The following THBS4 variants were observed in gnomAD, a reference collection of about 807,000 sequenced individuals.
THBS4 encodes thrombospondin-4.
A neutral mutation model predicts 115.7 loss-of-function variants in THBS4; 90 were observed. The ratio of observed to expected loss-of-function variants is 0.78; its 90% CI spans 0.66 to 0.93. The LOEUF is 0.93. Among genes scored for constraint, THBS4 ranks in the 40% least tolerant of loss-of-function variants. The pLI is 0.00. For synonymous variants in THBS4, 460 were observed against 479.3 expected, an observed-to-expected ratio of 0.96 and a Z score of 0.53; for missense variants, 1,087 against 1,232.7, an observed-to-expected ratio of 0.88 and a Z score of 1.77.
intron 9 of THBS4, chr5:80,066,488 C>T (rs1250260756): frequency 6.6e-6 from 1 of 152,144 alleles, no homozygotes; most frequent in Non-Finnish European, 1.5e-5. Context: ...GCCTATAGTC[C>T]CAGCTCCTCA....
At position 80,059,449 on chromosome 5, in the gene THBS4, ACAT is replaced by A. The variant is rs749957478; in HGVS notation, c.746_748del (p.Ser249del). The A allele has an allele frequency of 2.5e-6, 4 of 1,613,968 alleles. No homozygotes were observed. Among genetic ancestry groups the A allele is most frequent in the Non-Finnish European group, 3.4e-6 (4 of 1,180,028 alleles). On this transcript the variant is annotated inframe_deletion, in exon 6 of 22. Transcript: ENST00000350881. ...CTTCTCATTTTTAAAGGTTAAGGAA[ACAT>A]CATTTTTGCGAAACACCATAGCTGA...
chr5:79,992,555 C>T (rs936543682), intron 1 of THBS4, among the ~76,000 whole-genome samples: 1 of 152,184 alleles, frequency 6.6e-6, no homozygotes, highest in Non-Finnish European at 1.5e-5. Flanking sequence ...AATGAGAATT[C>T]ATTAATAATA....
chr5:80,031,878 A>C (rs1453753204), upstream of THBS4, among the ~76,000 whole-genome samples: 5 of 152,216 alleles, frequency 3.3e-5, no homozygotes, highest in South Asian at 8.3e-4. Flanking sequence ...GCACCTATTA[A>C]TGGATTACTA....
At chr5:80,081,742 G>C (rs1743517178) in intron 20 of THBS4, among the ~76,000 whole-genome samples, 1 of 152,170 alleles carries the variant, frequency 6.6e-6, no homozygotes, top group South Asian at 2.1e-4. Flanking sequence ...TCAGGTTCTA[G>C]GCCCTGATAG....
At chr5:80,029,895 G>A (rs1333998898) in intron 2 of THBS4, among the ~76,000 whole-genome samples, 3 of 152,016 alleles carry the variant, frequency 2.0e-5, no homozygotes, top group Non-Finnish European at 2.9e-5. Flanking sequence ...GCGTGAACCC[G>A]GGAGGCGGAG....
chr5:80,075,057 A>T (rs974656355), intron 15 of THBS4: 1 of 152,162 alleles, frequency 6.6e-6, no homozygotes, highest in Non-Finnish European at 1.5e-5. Context: ...CTGTCCTCCT[A>T]TATGCTTTAA....
chr5:80,074,635 T>G (rs1039383753), intron 15 of THBS4, among the ~76,000 whole-genome samples: 2 of 151,816 alleles, frequency 1.3e-5, no homozygotes, highest in African/African-American at 4.8e-5. Context: ...TCTTTTTTTT[T>G]TTTTTTGAGA....
In THBS4 at chr5:80,035,588, G is replaced by A. The variant is rs768037807; in HGVS notation, c.51G>A (p.Gln17=). The change falls in exon 1 of 22, where the codon CAG becomes CAA. Residue 17 remains glutamine (Q), a synonymous_variant. Transcript: ENST00000350881. This position sits in a 1 kb window ranked among gnomAD's most constrained non-coding sequence, Gnocchi z 4.6. ...AAVLLLHLVL[Q]RWLAAGAQAT... is the part of the protein sequence containing the mutation. ...TCCTCCTGCTGCACCTGGTCCTGCA[G>A]CGGTGGCTAGCGGCAGGCGCCCAGG... is the stretch of plus-strand genomic sequence containing the variant. The A allele has an allele frequency of 7.0e-7, 1 of 1,434,030 alleles. No homozygotes were observed. The allele number at this position is 1,434,030 out of a possible 1,614,324, so 88.8% of individuals were successfully genotyped here.
intron 1 of THBS4, among the ~76,000 whole-genome samples, chr5:79,991,984 A>G (rs558731292): frequency 2.0e-5 from 3 of 152,198 alleles, no homozygotes; most frequent in Non-Finnish European, 2.9e-5. Flanking sequence ...CTGTGCAGCC[A>G]CACAAGGCTC....
intron 15 of THBS4, among the ~76,000 whole-genome samples, chr5:80,074,623 TC>T (rs1325568679): frequency 3.0e-4 from 44 of 146,460 alleles, no homozygotes; most frequent in African/African-American, 1.1e-3. Context: ...CAGCTCTCTC[TC>T]TCTTTTTTTT....
chr5:80,021,545 C>T (rs902659820), intron 2 of THBS4, among the ~76,000 whole-genome samples: 2 of 151,980 alleles, frequency 1.3e-5, no homozygotes, highest in Non-Finnish European at 2.9e-5. Flanking sequence ...GGGTCTCTGT[C>T]ATCCAGGCTG....
intron 2 of THBS4, among the ~76,000 whole-genome samples, chr5:80,050,599 C>G (rs952019405): frequency 1.3e-5 from 2 of 152,182 alleles, no homozygotes; most frequent in Admixed American, 6.5e-5. Flanking sequence ...ATTGCTCAGA[C>G]TCTTGGAGCC....
chr5:80,037,872 T>C (rs1269204916), intron 1 of THBS4, among the ~76,000 whole-genome samples: 1 of 152,210 alleles, frequency 6.6e-6, no homozygotes, highest in Non-Finnish European at 1.5e-5. Context: ...AATTTCCCTT[T>C]TGAAATGCAG....
rs73772211 is a variant in THBS4 at position 80,059,545 on chromosome 5, A to C, written c.784+54A>C. 18 of 1,609,376 alleles carry C rather than the reference A, an allele frequency of 1.1e-5. No homozygotes were observed. The African/African-American group carries it at 2.3e-4, about 20-fold the overall frequency. On this transcript the variant is annotated intron_variant, in intron 6 of 21. Transcript: ENST00000350881. ...CTGAGTTGGATGATGCAGGCTGATG[A>C]AGGGCTTGCGGTGAGGCTGTGTTGA...
chr5:80,028,801 AT>A (rs1042839040), intron 2 of THBS4, among the ~76,000 whole-genome samples: 2 of 152,020 alleles, frequency 1.3e-5, no homozygotes, highest in African/African-American at 4.8e-5. Flanking sequence ...ATCCTTAAGT[AT>A]TTATTTCTGG....
At chr5:80,038,593 T>A (rs1832792538) in intron 1 of THBS4, among the ~76,000 whole-genome samples, 1 of 152,140 alleles carries the variant, frequency 6.6e-6, no homozygotes, top group African/African-American at 2.4e-5. Flanking sequence ...TAAGGACAGT[T>A]AATGTTTTCA....
intron 1 of THBS4, 55 bp from the exon 2 acceptor site, chr5:80,040,022 G>A: frequency 1.9e-6 from 3 of 1,543,930 alleles, no homozygotes; most frequent in Non-Finnish European, 1.8e-6. Flanking sequence ...AAGAAACCCT[G>A]TTTTCCCCAA....
At chr5:80,039,007 G>T (rs1832806490) in intron 1 of THBS4, among the ~76,000 whole-genome samples, 1 of 152,152 alleles carries the variant, frequency 6.6e-6, no homozygotes, top group Non-Finnish European at 1.5e-5. Flanking sequence ...GTAAATACAT[G>T]AACATTTATT....
In THBS4 at chr5:80,061,574, TTTA is replaced by T. The variant is rs1833635821; in HGVS notation, c.988-115_988-113del. On this transcript the variant is annotated intron_variant, in intron 7 of 21. Transcript: ENST00000350881. ...CTGGAGTTGGAAGCCTTTATTTCCTTTTATTATTTTTTCCACCAAAAGATAGTT... is the reference window on the plus strand; with the variant it reads ...CTGGAGTTGGAAGCCTTTATTTCCTTTTATTTTTTCCACCAAAAGATAGTT... 4.5e-6 allele frequency: 6 copies of T among 1,330,250 alleles called. No homozygotes were observed. In the African/African-American group the frequency reaches 5.9e-5, roughly 13 times the overall value. The allele number at this position is 1,330,250 out of a possible 1,614,324, so 82.4% of individuals were successfully genotyped here. A position where few individuals can be genotyped will look rare whatever the true frequency, so the allele number is the denominator to read the frequency against.
Sources: gnomAD v4.1 joint callset for allele counts (sites outside exome capture counted in the v4.1 genomes callset) on GRCh38, gnomAD v4.1.1 for gene constraint, Gnocchi (gnomAD v3.1) non-coding constraint, MANE v1.5 for transcripts, NCBI Gene and HGNC (gene_info 2026-07-23, HGNC 2026-07-21) for gene names.